The following KAZN variants were observed in gnomAD, a reference collection of about 807,000 sequenced individuals.
The protein encoded by KAZN is kazrin, periplakin interacting protein.
A neutral mutation model predicts 87.4 loss-of-function variants in KAZN; 40 were observed. The observed-to-expected ratio is 0.46, with a 90% CI of 0.36 to 0.60. The LOEUF is 0.60. Ranked by LOEUF, KAZN falls within the 20% of genes least tolerant of loss-of-function variation. KAZN has a pLI of 0.00. For missense variants in KAZN, 898 were observed against 1,073.9 expected (o/e 0.84, Z 2.29); for synonymous variants, 466 against 458.3 (o/e 1.02, Z -0.22).
intron 13 of KAZN, among the ~76,000 whole-genome samples, chr1:15,111,303 CAG>C (rs1185026101): frequency 7.8e-6 from 1 of 127,852 alleles, no homozygotes; most frequent in Non-Finnish European, 1.7e-5. Flanking sequence ...TTGTTTTAAA[CAG>C]AGTCTTGTGC....
intron 4 of KAZN, among the ~76,000 whole-genome samples, chr1:15,049,850 C>T (rs563844228): frequency 6.6e-6 from 1 of 152,176 alleles, no homozygotes; most frequent in Admixed American, 6.5e-5. Flanking sequence ...CATGGTGAAA[C>T]CCGTCTCTAC....
At chr1:14,163,108 T>C (rs1485876516) in intron 1 of KAZN, among the ~76,000 whole-genome samples, 7 of 152,144 alleles carry the variant, frequency 4.6e-5, no homozygotes, top group African/African-American at 1.7e-4. Context: ...GCAGTGAATC[T>C]GTATGGGTCT....
chr1:15,077,589 G>C lies in KAZN; in HGVS notation c.1222+11836G>C, dbSNP rs1247209852. 6.6e-6 allele frequency among the ~76,000 whole-genome samples: 1 copy of C among 152,218 alleles called. No individual in the cohort carries two copies. The highest frequency in any genetic ancestry group is 1.5e-5 in the Non-Finnish European group (1 of 68,046). On this transcript the variant is annotated intron_variant, in intron 8 of 14. Coordinates refer to ENST00000376030, the MANE Select transcript of KAZN (RefSeq NM_201628.3). The surrounding 1 kb of genome is among the most constrained non-coding windows in gnomAD (Gnocchi z 4.8). ...AGGGCTACACAGGACCAGGTCAGCT[G>C]CTTGCAGCCACGTGACTCAGTTGTT...
At chr1:14,822,986 C>T (rs1646779614) in intron 1 of KAZN, among the ~76,000 whole-genome samples, 1 of 152,190 alleles carries the variant, frequency 6.6e-6, no homozygotes, top group South Asian at 2.1e-4. Flanking sequence ...CGCCACCATC[C>T]TATGGGGAAG....
chr1:14,109,813 C>CTTTTTTTTTTTTAGATG (rs1289460974), intron 1 of KAZN, among the ~76,000 whole-genome samples: 1 of 125,390 alleles, frequency 8.0e-6, no homozygotes, highest in African/African-American at 3.1e-5. Context: ...CTTATCAAAA[C>CTTTTTTTTTTTTAGATG]GATTTCAGCG....
chr1:14,915,358 G>A (rs578227056), intron 1 of KAZN, among the ~76,000 whole-genome samples: 2 of 152,326 alleles, frequency 1.3e-5, no homozygotes, highest in South Asian at 4.1e-4. Flanking sequence ...GCAGTGCTCA[G>A]TAAACAGTAA....
At chr1:14,416,681 G>A (rs1664788787) in intron 2 of KAZN, among the ~76,000 whole-genome samples, 1 of 152,004 alleles carries the variant, frequency 6.6e-6, no homozygotes. Flanking sequence ...AGGTTGCAGT[G>A]AGCTGAGATC....
intron 1 of KAZN, among the ~76,000 whole-genome samples, chr1:14,166,243 C>A (rs776469676): frequency 6.6e-6 from 1 of 152,076 alleles, no homozygotes; most frequent in East Asian, 1.9e-4. Context: ...GGAACCTGGG[C>A]GGCAGAGGCT....
chr1:14,138,361 C>G (rs923753728), intron 1 of KAZN, among the ~76,000 whole-genome samples: 7 of 152,164 alleles, frequency 4.6e-5, no homozygotes, highest in Middle Eastern at 3.4e-3. Flanking sequence ...CAGACTTGAC[C>G]ACATTCAGAA....
chr1:14,795,768 C>T (rs1242321037), intron 1 of KAZN, among the ~76,000 whole-genome samples: 2 of 152,206 alleles, frequency 1.3e-5, no homozygotes, highest in African/African-American at 4.8e-5. Context: ...CCTTGCTTTT[C>T]TTGTGGCATG....
chr1:14,111,760 G>A (rs1290627579), intron 1 of KAZN, among the ~76,000 whole-genome samples: 7 of 124,518 alleles, frequency 5.6e-5, no homozygotes, highest in African/African-American at 2.7e-4. Context: ...TTTTTTTTGA[G>A]GTGGAGTCTC....
intron 2 of KAZN, among the ~76,000 whole-genome samples, chr1:14,330,801 C>T (rs377264211): frequency 1.4e-4 from 22 of 152,254 alleles, no homozygotes; most frequent in African/African-American, 5.1e-4. Flanking sequence ...TACATAGGAA[C>T]ACTATGGAAC....
intron 1 of KAZN, among the ~76,000 whole-genome samples, chr1:14,168,482 C>G (rs933812047): frequency 2.6e-5 from 4 of 152,136 alleles, no homozygotes; most frequent in African/African-American, 9.7e-5. Context: ...CATGATAGTG[C>G]TCAGGGCTGT....
chr1:14,504,667 C>T (rs1296714394), intron 2 of KAZN, among the ~76,000 whole-genome samples: 2 of 152,118 alleles, frequency 1.3e-5, no homozygotes, highest in African/African-American at 4.8e-5. Flanking sequence ...TCAGCAACGC[C>T]CATCTTCCAG....
At chr1:14,447,398 C>T (rs979413034) in intron 2 of KAZN, among the ~76,000 whole-genome samples, 4 of 151,832 alleles carry the variant, frequency 2.6e-5, no homozygotes, top group African/African-American at 4.8e-5. Context: ...GCCACCACAC[C>T]GGGCTAATTT....
chr1:14,892,454 T>C (rs1654818382), intron 1 of KAZN, among the ~76,000 whole-genome samples: 1 of 150,282 alleles, frequency 6.7e-6, no homozygotes, highest in Non-Finnish European at 1.5e-5. Context: ...AATCCCTGGA[T>C]CATCTGAAGG....
At chr1:14,412,109 G>C (rs1370120318) in intron 2 of KAZN, among the ~76,000 whole-genome samples, 1 of 152,082 alleles carries the variant, frequency 6.6e-6, no homozygotes, top group Non-Finnish European at 1.5e-5. Flanking sequence ...GGGGTCATAG[G>C]AAAGAGGAGG....
intron 1 of KAZN, among the ~76,000 whole-genome samples, chr1:14,874,652 G>A (rs773053789): frequency 2.6e-4 from 40 of 152,314 alleles, no homozygotes; most frequent in African/African-American, 9.4e-4. Context: ...ACCAAAAGCT[G>A]TCAAAACCAA....
At chr1:15,007,499 G>C (rs1037852444) in intron 2 of KAZN, among the ~76,000 whole-genome samples, 2 of 152,214 alleles carry the variant, frequency 1.3e-5, no homozygotes, top group African/African-American at 2.4e-5. Flanking sequence ...GCTCTCTCAG[G>C]CCTCTCTGTT....
Sources: allele counts gnomAD v4.1 joint callset (sites outside exome capture counted in the v4.1 genomes callset), GRCh38; gene constraint gnomAD v4.1.1; non-coding constraint Gnocchi (gnomAD v3.1); transcripts MANE v1.5; gene names NCBI Gene and HGNC (gene_info 2026-07-23, HGNC 2026-07-21).